The following EPB41L4B variants were observed in gnomAD, a reference collection of about 807,000 sequenced individuals.
EPB41L4B encodes the protein erythrocyte membrane protein band 4.1 like 4B, also known as band 4.1-like protein 4B.
A neutral mutation model predicts 112.5 loss-of-function variants in EPB41L4B; 30 were observed. The ratio of observed to expected loss-of-function variants is 0.27; its 90% CI spans 0.20 to 0.36. EPB41L4B has a LOEUF of 0.36. EPB41L4B is among the 10% of genes least tolerant of loss of function. EPB41L4B has a pLI of 1.00. For synonymous variants in EPB41L4B, 408 were observed against 439.7 expected, an observed-to-expected ratio of 0.93 and a Z score of 0.90; for missense variants, 1,024 against 1,133.3, an observed-to-expected ratio of 0.90 and a Z score of 1.38.
chr9:109,247,755 C>G lies in EPB41L4B; in HGVS notation c.1344+1G>C. 1 of 1,483,612 alleles carries G rather than the reference C, an allele frequency of 6.7e-7. No individual in the cohort carries two copies. The highest frequency in any genetic ancestry group is 9.0e-7 in the Non-Finnish European group (1 of 1,115,890). The allele number at this position is 1,483,612 out of a possible 1,614,324, so 91.9% of individuals were successfully genotyped here. On this transcript the variant is annotated splice_donor_variant, in intron 14 of 25. Transcript: ENST00000374566. LOFTEE classifies it high-confidence loss of function. ...GAAAACCTTTAAAAGCAGTATCTTA[C>G]CTGGTAATTATGGACTTCTGGATTT...
intron 1 of EPB41L4B, among the ~76,000 whole-genome samples, chr9:109,280,479 G>A (rs964129732): frequency 6.6e-6 from 1 of 152,188 alleles, no homozygotes; most frequent in Non-Finnish European, 1.5e-5. Context: ...TATACACATG[G>A]GGCATGAGCA....
intron 1 of EPB41L4B, among the ~76,000 whole-genome samples, chr9:109,280,398 C>T (rs1246013608): frequency 6.6e-6 from 1 of 152,210 alleles, no homozygotes; most frequent in Non-Finnish European, 1.5e-5. Flanking sequence ...CAAAGACCTG[C>T]TGGAGGTCAC....
intron 19 of EPB41L4B, among the ~76,000 whole-genome samples, chr9:109,203,153 T>C (rs1417834848): frequency 6.6e-6 from 1 of 152,152 alleles, no homozygotes; most frequent in Non-Finnish European, 1.5e-5. Flanking sequence ...GACTCTGTCT[T>C]AAAAAATAAT....
chr9:109,297,071 C>G (rs1836758297), intron 1 of EPB41L4B, among the ~76,000 whole-genome samples: 1 of 151,630 alleles, frequency 6.6e-6, no homozygotes, highest in African/African-American at 2.4e-5. Flanking sequence ...TTAGAATGAC[C>G]CTAATCCAAT....
At chr9:109,197,031 G>T (rs1284286426) in intron 20 of EPB41L4B, among the ~76,000 whole-genome samples, 2 of 152,190 alleles carry the variant, frequency 1.3e-5, no homozygotes, top group East Asian at 3.9e-4. Context: ...TCTCAAAAAT[G>T]ATGATGTAAA....
At chr9:109,189,972 G>C (rs183125483) in intron 22 of EPB41L4B, among the ~76,000 whole-genome samples, 2 of 152,112 alleles carry the variant, frequency 1.3e-5, no homozygotes, top group Admixed American at 6.5e-5. Flanking sequence ...CTCTCGCTTT[G>C]TTGCCCAGGC....
chr9:109,199,881 G>C (rs1832763999), intron 20 of EPB41L4B, among the ~76,000 whole-genome samples: 1 of 152,126 alleles, frequency 6.6e-6, no homozygotes, highest in South Asian at 2.1e-4. Flanking sequence ...GCCTGCAGAT[G>C]AGACCGCAGC....
At chr9:109,289,286 A>G (rs747239691) in intron 1 of EPB41L4B, among the ~76,000 whole-genome samples, 1 of 152,034 alleles carries the variant, frequency 6.6e-6, no homozygotes, top group Non-Finnish European at 1.5e-5. Flanking sequence ...CCCACCATAC[A>G]CAGCAGGCCC....
intron 15 of EPB41L4B, among the ~76,000 whole-genome samples, chr9:109,237,714 A>G (rs1464680950): frequency 6.6e-6 from 1 of 152,136 alleles, no homozygotes; most frequent in Non-Finnish European, 1.5e-5. Context: ...CAGCGTTATT[A>G]GATCACAGGT....
intron 15 of EPB41L4B, among the ~76,000 whole-genome samples, chr9:109,236,162 G>T (rs191456513): frequency 2.6e-5 from 4 of 152,148 alleles, no homozygotes; most frequent in Non-Finnish European, 4.4e-5. Context: ...GTATACACAC[G>T]CCCAGTCCTT....
At chr9:109,206,881 G>A (rs1031906143) in intron 18 of EPB41L4B, among the ~76,000 whole-genome samples, 3 of 152,208 alleles carry the variant, frequency 2.0e-5, no homozygotes, top group African/African-American at 4.8e-5. Context: ...CTGCTCCTGC[G>A]AGTCACCCCA....
At chr9:109,317,847 G>A (rs556426703) in intron 1 of EPB41L4B, among the ~76,000 whole-genome samples, 1 of 152,138 alleles carries the variant, frequency 6.6e-6, no homozygotes, top group Non-Finnish European at 1.5e-5. Flanking sequence ...AGGGCCAAAT[G>A]TCAAAAAGGA....
chr9:109,311,677 C>G (rs191096316), intron 1 of EPB41L4B, among the ~76,000 whole-genome samples: 2 of 152,306 alleles, frequency 1.3e-5, no homozygotes, highest in African/African-American at 4.8e-5. Flanking sequence ...TCAGAAAAGA[C>G]AGGGGATTTT....
chr9:109,245,290 C>T (rs900741502), intron 14 of EPB41L4B, among the ~76,000 whole-genome samples: 4 of 152,128 alleles, frequency 2.6e-5, no homozygotes, highest in South Asian at 2.1e-4. Context: ...AGAACTGGAC[C>T]CTCTATGTTT....
At chr9:109,303,694 G>A (rs1444300160) in intron 1 of EPB41L4B, among the ~76,000 whole-genome samples, 1 of 151,170 alleles carries the variant, frequency 6.6e-6, no homozygotes, top group East Asian at 1.9e-4. Context: ...TGTGGAGAAG[G>A]GGTCTCTTGC....
At chr9:109,216,782 G>A in intron 16 of EPB41L4B, 140 bp downstream of exon 16, 3 of 857,904 alleles carry the variant, frequency 3.5e-6, no homozygotes, top group Admixed American at 2.0e-5. Flanking sequence ...GTCTACTCTG[G>A]CCCAAACCCG....
chr9:109,226,645 A>ATATATATATATG (rs1564278938), intron 15 of EPB41L4B, among the ~76,000 whole-genome samples: 1 of 137,828 alleles, frequency 7.3e-6, no homozygotes, highest in Admixed American at 7.7e-5. Flanking sequence ...ATATATATAT[A>ATATATATATATG]TATGAAGAAT....
intron 1 of EPB41L4B, among the ~76,000 whole-genome samples, chr9:109,298,245 G>A (rs1404521729): frequency 6.6e-6 from 1 of 151,648 alleles, no homozygotes; most frequent in African/African-American, 2.4e-5. Context: ...TTGACTATAA[G>A]TTCACCACAC....
At chr9:109,216,866 G>A (rs1011348463) in intron 16 of EPB41L4B, 56 bp downstream of exon 16, 22 of 1,528,656 alleles carry the variant, frequency 1.4e-5, no homozygotes, top group Non-Finnish European at 1.7e-5. Context: ...GGGAACTCTC[G>A]TGCCCTGCAG....
Sources: gnomAD v4.1 joint callset for allele counts (sites outside exome capture counted in the v4.1 genomes callset) on GRCh38, gnomAD v4.1.1 for gene constraint, MANE v1.5 for transcripts, NCBI Gene and HGNC (gene_info 2026-07-23, HGNC 2026-07-21) for gene names.